MEP1B: variants seen among roughly 807,000 people sequenced by gnomAD.
MEP1B encodes the protein meprin A subunit beta, also known as N-benzoyl-L-tyrosyl-P-amino-benzoic acid hydrolase subunit beta.
MEP1B carries 80 observed loss-of-function variants against 84.6 expected under a neutral mutation model. The ratio of observed to expected loss-of-function variants is 0.95; its 90% CI spans 0.79 to 1.14. The LOEUF (loss-of-function observed/expected upper bound fraction) is 1.14, where lower values mean the gene tolerates loss of function less well. Ranked by LOEUF, MEP1B falls within the 50% of genes most tolerant of loss-of-function variation. The pLI is 0.00. For missense variants in MEP1B, 766 were observed against 855.1 expected (o/e 0.90, Z 1.30); for synonymous variants, 273 against 288.1 (o/e 0.95, Z 0.53).
intron 12 of MEP1B, among the ~76,000 whole-genome samples, chr18:32,215,780 T>C (rs335514): frequency 0.72 from 108,687 of 151,928 alleles, 39,040 homozygotes; most frequent in East Asian, 0.88. Flanking sequence ...GCCAAGTTCG[T>C]GCCACTGCAC....
chr18:32,209,955 T>C (rs1298873837), intron 9 of MEP1B, among the ~76,000 whole-genome samples: 1 of 152,190 alleles, frequency 6.6e-6, no homozygotes, highest in African/African-American at 2.4e-5. Flanking sequence ...GCTACAACTC[T>C]CTACCCACCC....
At chr18:32,195,532 A>G (rs673754) in intron 5 of MEP1B, 47 bp downstream of exon 5, 1 of 1,257,658 alleles carries the variant, frequency 8.0e-7, no homozygotes, top group East Asian at 2.3e-5. Flanking sequence ...TATTTCTGAC[A>G]AAATATGATT....
At position 32,200,565 on chromosome 18, in the gene MEP1B, CA is replaced by C. The variant is rs1160173982; in HGVS notation, c.251-2327del. ...GACTAAGAAAATTACTAAGCAAGGC[CA>C]CTCTTACAGGTAGCAAAAATAAATA... On this transcript the variant is annotated intron_variant, in intron 5 of 14. Coordinates refer to ENST00000269202, the MANE Select transcript of MEP1B (RefSeq NM_005925.3). Among the ~76,000 whole-genome samples the C allele has an allele frequency of 2.0e-5, 3 of 152,210 alleles. No homozygotes were observed. The East Asian group carries it at 5.8e-4, about 29-fold the overall frequency.
In MEP1B at chr18:32,213,426, A is replaced by G; in HGVS notation, c.1446A>G (p.Gly482=). Residue 482 remains glycine, a synonymous_variant, in exon 11 of 15, where the codon GGA becomes GGG. Coordinates refer to ENST00000269202, the MANE Select transcript of MEP1B (RefSeq NM_005925.3). The part of the protein sequence containing the change: ...NAGIYFHLIS[G]ANDDQLQWPC... ...GGATATATTTCCACTTGATCTCTGG[A>G]GCCAATGATGATCAATTACAGTGGC... 1 of 1,613,874 alleles carries G rather than the reference A, an allele frequency of 6.2e-7. No individual in the cohort carries two copies. The highest frequency in any genetic ancestry group is 8.5e-7 in the Non-Finnish European group (1 of 1,179,796).
rs770474196 is a variant in MEP1B at position 32,215,083 on chromosome 18, T to A, written c.1581T>A (p.Asp527Glu). The A allele has an allele frequency of 5.0e-6, 8 of 1,587,638 alleles. No individual in the cohort carries two copies. Among genetic ancestry groups the A allele is most frequent in the Non-Finnish European group, 5.1e-6 (6 of 1,167,702 alleles). Residue 527 changes from aspartate (D) to glutamate (E), a missense_variant and splice_region_variant, in exon 12 of 15, where the codon GAT (aspartate) becomes GAA (glutamate). Physicochemically the swap from Asp to Glu is conservative, Grantham distance 45. Coordinates refer to ENST00000269202, the MANE Select transcript of MEP1B (RefSeq NM_005925.3). ...CATTAATATAAATTGCTTTTTCAGA[T>A]AATGGAAACTATTTCTGGGACAGGC... ...SITTDPFMTT[D>E]NGNYFWDRPS...
At chr18:32,219,495 G>A (rs1002441255) in intron 14 of MEP1B, among the ~76,000 whole-genome samples, 1 of 152,174 alleles carries the variant, frequency 6.6e-6, no homozygotes, top group African/African-American at 2.4e-5. Flanking sequence ...AGCTGTGCCT[G>A]CAAGTTCGGT....
At position 32,204,316 on chromosome 18, in the gene MEP1B, A is replaced by ACCT; in HGVS notation, c.505_506insTCC (p.Asp168_Arg169insLeu). 1 of 1,602,132 alleles carries ACCT rather than the reference A, an allele frequency of 6.2e-7. No individual in the cohort carries two copies. The highest frequency in any genetic ancestry group is 8.5e-7 in the Non-Finnish European group (1 of 1,174,622). On this transcript the variant is annotated inframe_insertion, in exon 7 of 15. Coordinates refer to ENST00000269202, the MANE Select transcript of MEP1B (RefSeq NM_005925.3). ...TTCTGGCATGAGCAGTCGCGTTCTGACCGGGATGACTATGTCAGGATAATG... is the reference window on the plus strand; with the variant it reads ...TTCTGGCATGAGCAGTCGCGTTCTGACCTCCGGGATGACTATGTCAGGATAATG...
chr18:32,192,172 G>T (rs767528082), intron 2 of MEP1B, among the ~76,000 whole-genome samples: 1 of 151,908 alleles, frequency 6.6e-6, no homozygotes, highest in Non-Finnish European at 1.5e-5. Context: ...TTGCATACTC[G>T]GAGATTTGGC....
chr18:32,220,194 TA>T, intron 14 of MEP1B, 36 bp from the exon 15 acceptor site: 1 of 1,575,096 alleles, frequency 6.3e-7, no homozygotes, highest in Non-Finnish European at 8.7e-7. Context: ...TTTTTAAATT[TA>T]GAAATTAAAT....
At chr18:32,203,617 C>G (rs1333878837) in intron 6 of MEP1B, among the ~76,000 whole-genome samples, 1 of 152,070 alleles carries the variant, frequency 6.6e-6, no homozygotes, top group Non-Finnish European at 1.5e-5. Context: ...TATACAATAC[C>G]TGGTATATTA....
intron 13 of MEP1B, 115 bp downstream of exon 13, chr18:32,217,232 C>G: frequency 8.2e-7 from 1 of 1,219,144 alleles, no homozygotes; most frequent in Non-Finnish European, 1.1e-6. Context: ...TCTCATCTCA[C>G]AGCCATTCAT....
At chr18:32,207,091 C>A (rs752104771) in intron 7 of MEP1B, among the ~76,000 whole-genome samples, 161 bp from the exon 8 acceptor site, 1 of 152,162 alleles carries the variant, frequency 6.6e-6, no homozygotes, top group Non-Finnish European at 1.5e-5. Context: ...CAGTTCTAAG[C>A]TTGAATATTA....
Position 32,215,591 on chromosome 18 carries a change from G to A in MEP1B, c.1759+330G>A, listed in dbSNP as rs531117397. Among the ~76,000 whole-genome samples, 27 of 152,288 alleles carry A rather than the reference G, an allele frequency of 1.8e-4. No individual in the cohort carries two copies. The East Asian group carries it at 3.1e-3, about 17-fold the overall frequency. On this transcript the variant is annotated intron_variant, in intron 12 of 14. Coordinates refer to ENST00000269202, the MANE Select transcript of MEP1B (RefSeq NM_005925.3). ...TGTAATCCCAGCGCTTTGGGAGACC[G>A]AGGCGAGTGGATCACGAGGTCAGGA...
At chr18:32,215,824 A>G (rs1394750590) in intron 12 of MEP1B, among the ~76,000 whole-genome samples, 2 of 152,152 alleles carry the variant, frequency 1.3e-5, no homozygotes, top group East Asian at 3.9e-4. Flanking sequence ...ACTCCGTCTC[A>G]AAAAAAGAAA....
At chr18:32,206,316 T>C (rs2040963873) in intron 7 of MEP1B, among the ~76,000 whole-genome samples, 1 of 152,168 alleles carries the variant, frequency 6.6e-6, no homozygotes, top group Non-Finnish European at 1.5e-5. Context: ...AAGTTATCAT[T>C]CCCAGGTTTC....
chr18:32,211,232 G>A (rs1738982743), intron 10 of MEP1B, among the ~76,000 whole-genome samples: 1 of 152,022 alleles, frequency 6.6e-6, no homozygotes, highest in Admixed American at 6.6e-5. Context: ...TCATGCCACT[G>A]CACTCCAGCC....
chr18:32,202,159 T>C (rs994578503), intron 5 of MEP1B, among the ~76,000 whole-genome samples: 1 of 152,230 alleles, frequency 6.6e-6, no homozygotes, highest in African/African-American at 2.4e-5. Context: ...TCTGCCATAC[T>C]GTCTCCCACC....
At chr18:32,204,698 G>A (rs919065179) in intron 7 of MEP1B, among the ~76,000 whole-genome samples, 2 of 152,138 alleles carry the variant, frequency 1.3e-5, no homozygotes, top group African/African-American at 4.8e-5. Flanking sequence ...AAACACCACA[G>A]ACTGGGTAAT....
chr18:32,215,089 A>C lies in MEP1B; in HGVS notation c.1587A>C (p.Gly529=). The part of the protein sequence containing the change: ...TTDPFMTTDN[G]NYFWDRPSKV... ...TATAAATTGCTTTTTCAGATAATGGAAACTATTTCTGGGACAGGCCTTCTA... is the reference window on the plus strand; with the variant it reads ...TATAAATTGCTTTTTCAGATAATGGCAACTATTTCTGGGACAGGCCTTCTA... The change falls in exon 12 of 15, where the codon GGA becomes GGC. Residue 529 remains glycine, a synonymous_variant. Coordinates refer to ENST00000269202, the MANE Select transcript of MEP1B (RefSeq NM_005925.3). 6.3e-7 allele frequency: 1 copy of C among 1,590,426 alleles called. No homozygotes were observed. The highest frequency in any genetic ancestry group is 1.1e-5 in the South Asian group (1 of 87,714).
Sources: allele counts gnomAD v4.1 joint callset (sites outside exome capture counted in the v4.1 genomes callset), GRCh38; gene constraint gnomAD v4.1.1; transcripts MANE v1.5; gene names NCBI Gene and HGNC (gene_info 2026-07-23, HGNC 2026-07-21).